The following RIMBP2 variants were observed in gnomAD, a reference collection of about 807,000 sequenced individuals.
RIMBP2 encodes the protein RIMS binding protein 2.
In RIMBP2, 48 loss-of-function variants were observed where a neutral mutation model predicts 118.6. That is an observed-to-expected ratio of 0.40 (90% CI 0.32 to 0.51). RIMBP2 has a LOEUF of 0.51. Ranked by LOEUF, RIMBP2 falls within the 20% of genes least tolerant of loss-of-function variation. The pLI, the probability that RIMBP2 is intolerant of heterozygous loss-of-function variation, is 0.41. For missense variants in RIMBP2, 1,551 were observed against 1,768.3 expected (o/e 0.88, Z 2.20); for synonymous variants, 762 against 742.9 (o/e 1.03, Z -0.42).
intron 2 of RIMBP2, among the ~76,000 whole-genome samples, chr12:130,606,503 G>A (rs79519593): frequency 0.035 from 5,346 of 152,328 alleles, 105 homozygotes; most frequent in Non-Finnish European, 0.054. Flanking sequence ...CTGTGGAGGC[G>A]GGGAGGAGTG....
intron 5 of RIMBP2, among the ~76,000 whole-genome samples, chr12:130,474,468 C>T (rs1004035621): frequency 6.6e-6 from 1 of 152,162 alleles, no homozygotes; most frequent in Non-Finnish European, 1.5e-5. Context: ...CCTACGAGTC[C>T]GACGCGCCTT....
intron 2 of RIMBP2, among the ~76,000 whole-genome samples, chr12:130,588,931 G>A (rs1168290184): frequency 6.6e-6 from 1 of 152,218 alleles, no homozygotes; most frequent in Admixed American, 6.5e-5. Flanking sequence ...AGCCCCACGG[G>A]GGATTTGCAA....
chr12:130,582,873 A>G (rs1391947978), intron 2 of RIMBP2, among the ~76,000 whole-genome samples: 1 of 152,190 alleles, frequency 6.6e-6, no homozygotes, highest in African/African-American at 2.4e-5. Context: ...ATCATGCCAC[A>G]AAGCTGTGTG....
Position 130,505,838 on chromosome 12 carries a change from A to AC in RIMBP2, c.-4+809dup, listed in dbSNP as rs1291698494. Among the ~76,000 whole-genome samples the AC allele has an allele frequency of 3.7e-4, 5 of 13,442 alleles. No individual in the cohort carries two copies. In the East Asian group the frequency reaches 7.6e-3, roughly 20 times the overall value. The allele number at this position is 13,442 out of a possible 152,430, so 8.8% of individuals were successfully genotyped here. A position where few individuals can be genotyped will look rare whatever the true frequency, so the allele number is the denominator to read the frequency against. ...CTCATCCCCACCCCCCACCCCCAGCACCCCCCCATCATCCCTGGCAACTAT... is the reference window on the plus strand; with the variant it reads ...CTCATCCCCACCCCCCACCCCCAGCACCCCCCCCATCATCCCTGGCAACTAT... On this transcript the variant is annotated intron_variant, in intron 4 of 22. Transcript: ENST00000690449.
chr12:130,697,497 T>G (rs1252308088), intron 1 of RIMBP2, among the ~76,000 whole-genome samples: 1 of 152,166 alleles, frequency 6.6e-6, no homozygotes, highest in Non-Finnish European at 1.5e-5. Context: ...TTCTCCAGCC[T>G]GGGTGCAGAG....
At chr12:130,498,377 T>C (rs1039782940) in intron 4 of RIMBP2, among the ~76,000 whole-genome samples, 6 of 152,240 alleles carry the variant, frequency 3.9e-5, no homozygotes, top group Admixed American at 1.3e-4. Flanking sequence ...GAGTGTCTAC[T>C]ATATGCCAGA....
At chr12:130,560,402 G>A (rs571769675) in intron 2 of RIMBP2, among the ~76,000 whole-genome samples, 56 of 152,234 alleles carry the variant, frequency 3.7e-4, no homozygotes, top group Admixed American at 6.5e-4. Flanking sequence ...GGGCTGTCTT[G>A]TGCAGGGCAG....
chr12:130,712,018 C>T (rs909509627), intron 1 of RIMBP2, among the ~76,000 whole-genome samples: 36 of 152,152 alleles, frequency 2.4e-4, no homozygotes, highest in African/African-American at 8.0e-4. Flanking sequence ...AGAGAGGCAG[C>T]GGAAGTAAGA....
rs899212085 is a variant in RIMBP2 at position 130,447,665 on chromosome 12, T to C, written c.582-2396A>G. ...CGGCACACTGCAAGTGGGTGAACTG[T>C]GCAGTGAGGACCATCTCTCCGTACA... On this transcript the variant is annotated intron_variant, in intron 9 of 22. Transcript: ENST00000690449. The surrounding 1 kb of genome is among the most constrained non-coding windows in gnomAD (Gnocchi z 4.4). Among the ~76,000 whole-genome samples, 3 of 152,106 alleles carry C rather than the reference T, an allele frequency of 2.0e-5. No individual in the cohort carries two copies. Among genetic ancestry groups the C allele is most frequent in the Non-Finnish European group, 4.4e-5 (3 of 68,006 alleles).
rs1244853047 is a variant in RIMBP2 at position 130,710,776 on chromosome 12, C to T, written c.-352+5446G>A. ...TCCAGCACCTACTAATGACAGACCA[C>T]AAAACACCAACAAATGAGAATATCC... On this transcript the variant is annotated intron_variant, in intron 1 of 22. Coordinates refer to ENST00000690449, the MANE Select transcript of RIMBP2 (RefSeq NM_001393629.1). This position sits in a 1 kb window ranked among gnomAD's most constrained non-coding sequence, Gnocchi z 4.3. 6.6e-6 allele frequency among the ~76,000 whole-genome samples: 1 copy of T among 152,206 alleles called. No homozygotes were observed. Among genetic ancestry groups the T allele is most frequent in the Non-Finnish European group, 1.5e-5 (1 of 68,052 alleles).
chr12:130,456,131 C>T (rs2137496523), intron 7 of RIMBP2, among the ~76,000 whole-genome samples: 1 of 152,368 alleles, frequency 6.6e-6, no homozygotes. Context: ...GCCAAGAAAT[C>T]CTTGTGGAGT....
At chr12:130,600,942 C>T (rs1323234274) in intron 2 of RIMBP2, among the ~76,000 whole-genome samples, 1 of 152,160 alleles carries the variant, frequency 6.6e-6, no homozygotes, top group Non-Finnish European at 1.5e-5. Flanking sequence ...TGCATCACTA[C>T]TTATTGGTTC....
chr12:130,648,040 C>CATGTGAACACACGTGTGCACA (rs1293962289), intron 1 of RIMBP2, among the ~76,000 whole-genome samples: 2 of 145,836 alleles, frequency 1.4e-5, no homozygotes, highest in Non-Finnish European at 3.1e-5. Flanking sequence ...TGTGTACACA[C>CATGTGAACACACGTGTGCACA]CCGCCTCACG....
At chr12:130,559,364 C>G (rs1431649627) in intron 2 of RIMBP2, among the ~76,000 whole-genome samples, 1 of 152,104 alleles carries the variant, frequency 6.6e-6, no homozygotes, top group African/African-American at 2.4e-5. Flanking sequence ...CTCCTCTCTG[C>G]CCCCGTGAGT....
At chr12:130,563,469 C>T (rs1363872081) in intron 2 of RIMBP2, among the ~76,000 whole-genome samples, 1 of 152,194 alleles carries the variant, frequency 6.6e-6, no homozygotes, top group Non-Finnish European at 1.5e-5. Flanking sequence ...TAGGATTCTT[C>T]TACAATTATT....
At chr12:130,444,602 A>G (rs1189154178) in intron 10 of RIMBP2, among the ~76,000 whole-genome samples, 1 of 152,246 alleles carries the variant, frequency 6.6e-6, no homozygotes, top group East Asian at 1.9e-4. Flanking sequence ...AAAAGGCAAC[A>G]AAAGGTGGGG....
intron 1 of RIMBP2, chr12:130,660,002 T>G (rs2063586801): frequency 6.6e-6 from 1 of 150,942 alleles, no homozygotes; most frequent in Non-Finnish European, 1.5e-5. Context: ...TTATTAATAC[T>G]ATTTTACATT....
chr12:130,574,055 G>A (rs577073874), intron 2 of RIMBP2, among the ~76,000 whole-genome samples: 111 of 152,242 alleles, frequency 7.3e-4, no homozygotes, highest in Non-Finnish European at 1.0e-3. Context: ...TTATCACCAC[G>A]CTAAGGGATG....
Position 130,399,784 on chromosome 12 carries a change from C to T in RIMBP2, c.3795G>A (p.Val1265=). ...YGELNGQKGL[V]PSNFLEEVPD... ...GCACTTCTTCCAAGAAGTTTGAGGG[C>T]ACAAGGCCTTTCTGCCCATTCAGCT... is the stretch of plus-strand genomic sequence containing the variant. Residue 1265 remains valine (V), a synonymous_variant, in exon 22 of 23, where the codon GTG becomes GTA. Transcript: ENST00000690449. The T allele has an allele frequency of 1.9e-6, 3 of 1,614,166 alleles. No individual in the cohort carries two copies. Among genetic ancestry groups the T allele is most frequent in the Non-Finnish European group, 2.5e-6 (3 of 1,180,022 alleles).
Sources: allele counts gnomAD v4.1 joint callset (sites outside exome capture counted in the v4.1 genomes callset), GRCh38; gene constraint gnomAD v4.1.1; non-coding constraint Gnocchi (gnomAD v3.1); transcripts MANE v1.5; gene names NCBI Gene and HGNC (gene_info 2026-07-23, HGNC 2026-07-21).